BTLA: variants seen among roughly 807,000 people sequenced by gnomAD.
The protein encoded by BTLA is B- and T-lymphocyte attenuator.
In BTLA, 11 loss-of-function variants were observed where a neutral mutation model predicts 25.0. That is an observed-to-expected ratio of 0.44 (90% CI 0.28 to 0.73). The LOEUF (loss-of-function observed/expected upper bound fraction) is 0.73. Ranked by LOEUF, BTLA falls within the 30% of genes least tolerant of loss-of-function variation. The pLI is 0.15. For synonymous variants in BTLA, 104 were observed against 119.8 expected (o/e 0.87, Z 0.86); for missense variants, 282 against 332.8 (o/e 0.85, Z 1.19).
intron 2 of BTLA, among the ~76,000 whole-genome samples, chr3:112,476,708 A>G (rs1053424597): frequency 1.3e-5 from 2 of 152,210 alleles, no homozygotes; most frequent in Non-Finnish European, 2.9e-5. Context: ...AAAGTTACCA[A>G]TTTAATCATT....
intron 2 of BTLA, among the ~76,000 whole-genome samples, chr3:112,472,980 A>G (rs945147441): frequency 1.3e-5 from 2 of 152,032 alleles, no homozygotes; most frequent in Non-Finnish European, 2.9e-5. Context: ...GATCTGCTGG[A>G]TCAAGAAGAT....
chr3:112,468,258 G>A (rs975982910), intron 4 of BTLA, among the ~76,000 whole-genome samples: 6 of 152,184 alleles, frequency 3.9e-5, no homozygotes, highest in Non-Finnish European at 7.4e-5. Context: ...TACCCTCAAA[G>A]GACCGTTTTG....
intron 2 of BTLA, among the ~76,000 whole-genome samples, chr3:112,474,043 G>A (rs2082276832): frequency 6.6e-6 from 1 of 152,098 alleles, no homozygotes; most frequent in Non-Finnish European, 1.5e-5. Context: ...GGCTTGTTGT[G>A]CAAGGTGCTT....
intron 1 of BTLA, among the ~76,000 whole-genome samples, chr3:112,483,144 T>C (rs1392249460): frequency 1.4e-5 from 2 of 138,310 alleles, no homozygotes; most frequent in African/African-American, 5.3e-5. Context: ...ACCTTTCTTT[T>C]TTTTTTTTTT....
intron 2 of BTLA, among the ~76,000 whole-genome samples, chr3:112,472,535 A>G (rs2082268384): frequency 6.6e-6 from 1 of 151,990 alleles, no homozygotes; most frequent in South Asian, 2.1e-4. Flanking sequence ...CGTCTCTACT[A>G]AAAATACAAA....
intron 1 of BTLA, among the ~76,000 whole-genome samples, chr3:112,495,725 A>G (rs1463552690): frequency 1.3e-5 from 2 of 152,228 alleles, no homozygotes; most frequent in South Asian, 2.1e-4. Context: ...CTGAAGCCAT[A>G]GAAATATGCC....
intron 2 of BTLA, among the ~76,000 whole-genome samples, chr3:112,477,045 T>G (rs1283219435): frequency 6.6e-6 from 1 of 152,182 alleles, no homozygotes. Flanking sequence ...TAATATTCCG[T>G]GTGTGGATAA....
intron 1 of BTLA, among the ~76,000 whole-genome samples, chr3:112,488,327 A>G (rs564020512): frequency 1.2e-3 from 164 of 142,328 alleles, no homozygotes; most frequent in African/African-American, 4.1e-3. Context: ...GGTTCACGCC[A>G]TTCTCCTGCC....
Position 112,469,608 on chromosome 3 carries a change from T to C in BTLA, c.594+150A>G, listed in dbSNP as rs2082249083. ...TCACATTTTTAAAAATGGGTCTATG[T>C]ATATATATATATATATATATATATA... On this transcript the variant is annotated intron_variant, in intron 4 of 4. Coordinates refer to ENST00000334529, the MANE Select transcript of BTLA (RefSeq NM_181780.4). The C allele has an allele frequency of 8.1e-5, 3 of 37,264 alleles. No homozygotes were observed. The Admixed American group carries it at 1.2e-3, about 15-fold the overall frequency. 2.3% of individuals were successfully genotyped at this position (37,264 alleles called of 1,614,324 possible).
At chr3:112,477,359 T>TG (rs1467217785) in intron 2 of BTLA, among the ~76,000 whole-genome samples, 451 of 19,552 alleles carry the variant, frequency 0.023, 2 homozygotes, top group Non-Finnish European at 0.081. Context: ...TTTTCTGTGT[T>TG]TTTTTTTTTT....
intron 2 of BTLA, among the ~76,000 whole-genome samples, chr3:112,478,798 C>T (rs1178778308): frequency 1.3e-5 from 2 of 152,078 alleles, no homozygotes; most frequent in Non-Finnish European, 2.9e-5. Flanking sequence ...ACCTACTCCC[C>T]CCCTATGTAT....
At position 112,485,220 on chromosome 3, in the gene BTLA, T is replaced by C. The variant is rs540437494; in HGVS notation, c.89-5451A>G. Among the ~76,000 whole-genome samples the C allele has an allele frequency of 5.3e-5, 8 of 152,082 alleles. No individual in the cohort carries two copies. The South Asian group carries it at 6.2e-4, about 12-fold the overall frequency. ...CAACCACGCCCGGCTAATTTTTGTA[T>C]TTTTAGTAGGGACGGGGTTTCGCCA... is the stretch of plus-strand genomic sequence containing the variant. On this transcript the variant is annotated intron_variant, in intron 1 of 4. Coordinates refer to ENST00000334529, the MANE Select transcript of BTLA (RefSeq NM_181780.4).
chr3:112,487,792 T>C (rs1164990994), intron 1 of BTLA, among the ~76,000 whole-genome samples: 1 of 152,296 alleles, frequency 6.6e-6, no homozygotes, highest in African/African-American at 2.4e-5. Context: ...TTGGATATGA[T>C]ATAATCTCTC....
At chr3:112,482,312 A>G (rs949676989) in intron 1 of BTLA, among the ~76,000 whole-genome samples, 1 of 152,226 alleles carries the variant, frequency 6.6e-6, no homozygotes, top group Non-Finnish European at 1.5e-5. Flanking sequence ...TTAGAATGAC[A>G]TAAGTGTAAC....
At position 112,464,395 on chromosome 3, in the gene BTLA, T is replaced by G. The variant is rs758277276; in HGVS notation, c.*1713A>C. The G allele has an allele frequency of 8.8e-5, 32 of 364,096 alleles. No individual in the cohort carries two copies. The highest frequency in any genetic ancestry group is 1.4e-4 in the Non-Finnish European group (29 of 203,444). The allele number at this position is 364,096 out of a possible 1,614,324, so 22.6% of individuals were successfully genotyped here. The stretch of plus-strand genomic sequence containing the variant: ...AAATGTATCCTCCCCATATTTCCTG[T>G]TTCTATTTTTAAGAATACCACAAGC... On this transcript the variant is annotated 3_prime_UTR_variant, in exon 5 of 5. Transcript: ENST00000334529.
intron 4 of BTLA, among the ~76,000 whole-genome samples, 175 bp from the exon 5 acceptor site, chr3:112,466,558 A>G (rs2082228564): frequency 6.6e-6 from 1 of 152,274 alleles, no homozygotes; most frequent in Non-Finnish European, 1.5e-5. Context: ...CAATTATTAA[A>G]GGATGAAAGG....
chr3:112,472,858 G>T (rs1283403460), intron 2 of BTLA, among the ~76,000 whole-genome samples: 1 of 152,016 alleles, frequency 6.6e-6, no homozygotes, highest in Non-Finnish European at 1.5e-5. Flanking sequence ...CTGCTGTTTA[G>T]GTTAGCGAGC....
intron 1 of BTLA, among the ~76,000 whole-genome samples, chr3:112,482,854 T>C (rs1576685278): frequency 6.6e-6 from 1 of 152,266 alleles, no homozygotes; most frequent in Non-Finnish European, 1.5e-5. Context: ...TACCTGAATG[T>C]GGTTAGACTT....
intron 1 of BTLA, among the ~76,000 whole-genome samples, 174 bp from the exon 2 acceptor site, chr3:112,479,943 T>C (rs1351441758): frequency 6.6e-6 from 1 of 152,210 alleles, no homozygotes; most frequent in African/African-American, 2.4e-5. Flanking sequence ...ATAATAAATA[T>C]GTTTAAAAAA....
Sources: allele counts gnomAD v4.1 joint callset (sites outside exome capture counted in the v4.1 genomes callset), GRCh38; gene constraint gnomAD v4.1.1; transcripts MANE v1.5; gene names NCBI Gene and HGNC (gene_info 2026-07-23, HGNC 2026-07-21).